SLIT2: variants seen among roughly 807,000 people sequenced by gnomAD.
SLIT2 encodes slit homolog 2 protein.
In SLIT2, 41 loss-of-function variants were observed where a neutral mutation model predicts 185.7. That is an observed-to-expected ratio of 0.22 (90% CI 0.17 to 0.29). The LOEUF is 0.29. SLIT2 is among the 10% of genes least tolerant of loss of function. The pLI is 1.00. For missense variants in SLIT2, 1,571 were observed against 1,909.0 expected, an observed-to-expected ratio of 0.82 and a Z score of 3.30; for synonymous variants, 693 against 680.2, an observed-to-expected ratio of 1.02 and a Z score of -0.29.
At chr4:20,606,742 T>A (rs1485050244) in intron 33 of SLIT2, among the ~76,000 whole-genome samples, 1 of 152,226 alleles carries the variant, frequency 6.6e-6, no homozygotes, top group African/African-American at 2.4e-5. Flanking sequence ...ATAATTTATA[T>A]GCATTCTTCA....
At chr4:20,582,302 C>T (rs1321994024) in intron 29 of SLIT2, among the ~76,000 whole-genome samples, 1 of 152,198 alleles carries the variant, frequency 6.6e-6, no homozygotes, top group African/African-American at 2.4e-5. Flanking sequence ...CTCACCTCTT[C>T]AGAAGAATCT....
chr4:20,360,788 A>AT, intron 4 of SLIT2, among the ~76,000 whole-genome samples: 1 of 152,126 alleles, frequency 6.6e-6, no homozygotes, highest in Non-Finnish European at 1.5e-5. Context: ...GTAAGAGATT[A>AT]TTTTTTAAAA....
chr4:20,308,490 C>G (rs1266191888), intron 4 of SLIT2, among the ~76,000 whole-genome samples: 1 of 152,146 alleles, frequency 6.6e-6, no homozygotes, highest in Non-Finnish European at 1.5e-5. Flanking sequence ...AAAGCATGAG[C>G]TTTGAAGTCA....
intron 4 of SLIT2, among the ~76,000 whole-genome samples, chr4:20,285,339 G>A (rs1715160114): frequency 6.6e-6 from 1 of 152,164 alleles, no homozygotes; most frequent in African/African-American, 2.4e-5. Flanking sequence ...AAAGACCAAA[G>A]CTTGCATCCA....
chr4:20,457,869 C>T (rs1713251979), intron 4 of SLIT2, among the ~76,000 whole-genome samples: 1 of 152,154 alleles, frequency 6.6e-6, no homozygotes. Flanking sequence ...CACTTCATAG[C>T]TTCACAAGGA....
chr4:20,508,658 C>CA (rs543906716), intron 9 of SLIT2, among the ~76,000 whole-genome samples: 2 of 151,626 alleles, frequency 1.3e-5, no homozygotes, highest in East Asian at 1.9e-4. Context: ...AATATGCAAG[C>CA]AAAAAAACAC....
At chr4:20,455,345 G>T (rs545701592) in intron 4 of SLIT2, among the ~76,000 whole-genome samples, 1 of 152,156 alleles carries the variant, frequency 6.6e-6, no homozygotes, top group South Asian at 2.1e-4. Context: ...GAGAAGTGTG[G>T]TATCTAAAAA....
intron 4 of SLIT2, among the ~76,000 whole-genome samples, chr4:20,365,753 G>C (rs991024388): frequency 6.6e-6 from 1 of 152,112 alleles, no homozygotes; most frequent in Non-Finnish European, 1.5e-5. Context: ...CCCTCCACTT[G>C]AAATGCCTTT....
At chr4:20,315,974 C>T (rs1274389786) in intron 4 of SLIT2, among the ~76,000 whole-genome samples, 1 of 151,934 alleles carries the variant, frequency 6.6e-6, no homozygotes, top group East Asian at 1.9e-4. Flanking sequence ...ACTTACTTTG[C>T]AGTTTTATTT....
intron 4 of SLIT2, among the ~76,000 whole-genome samples, chr4:20,291,804 C>A (rs1715971422): frequency 6.6e-6 from 1 of 151,628 alleles, no homozygotes; most frequent in Non-Finnish European, 1.5e-5. Flanking sequence ...TGGTAGTTTC[C>A]AAAAATAATT....
At chr4:20,442,429 C>A (rs556814571) in intron 4 of SLIT2, among the ~76,000 whole-genome samples, 1 of 142,272 alleles carries the variant, frequency 7.0e-6, no homozygotes, top group Non-Finnish European at 1.5e-5. Flanking sequence ...GAAGCTGAGG[C>A]GGGAGAATGG....
chr4:20,501,547 G>A, intron 9 of SLIT2, among the ~76,000 whole-genome samples: 1 of 152,156 alleles, frequency 6.6e-6, no homozygotes, highest in East Asian at 1.9e-4. Flanking sequence ...GCCTCTCAAA[G>A]TGCTGGAATT....
At chr4:20,400,085 C>G (rs9291409) in intron 4 of SLIT2, among the ~76,000 whole-genome samples, 33,588 of 151,592 alleles carry the variant, frequency 0.22, 3,943 homozygotes, top group Non-Finnish European at 0.27. Flanking sequence ...TGTTATTGTT[C>G]TCCTACTATC....
At chr4:20,580,843 C>T (rs1249451140) in intron 29 of SLIT2, among the ~76,000 whole-genome samples, 1 of 151,948 alleles carries the variant, frequency 6.6e-6, no homozygotes, top group East Asian at 1.9e-4. Context: ...CTTTGTGCAC[C>T]GCTTATTACA....
intron 4 of SLIT2, among the ~76,000 whole-genome samples, chr4:20,436,505 C>T (rs1191273247): frequency 1.3e-5 from 2 of 152,132 alleles, no homozygotes; most frequent in African/African-American, 2.4e-5. Flanking sequence ...AACTTATTAC[C>T]CAGAGTGGCT....
chr4:20,439,418 T>C (rs1729581033), intron 4 of SLIT2, among the ~76,000 whole-genome samples: 1 of 152,202 alleles, frequency 6.6e-6, no homozygotes, highest in African/African-American at 2.4e-5. Context: ...TCTTAGCTGC[T>C]GGTGGTTTGC....
At chr4:20,287,582 TAAACTC>T (rs2109071196) in intron 4 of SLIT2, among the ~76,000 whole-genome samples, 1 of 152,370 alleles carries the variant, frequency 6.6e-6, no homozygotes, top group Non-Finnish European at 1.5e-5. Flanking sequence ...CTGTACCTGA[TAAACTC>T]AAATGTGTTT....
intron 4 of SLIT2, among the ~76,000 whole-genome samples, chr4:20,370,346 A>C (rs1723470416): frequency 1.3e-5 from 2 of 152,122 alleles, no homozygotes; most frequent in African/African-American, 4.8e-5. Flanking sequence ...CTGGTCTACT[A>C]ATTCAACTCC....
At chr4:20,382,161 C>A (rs1359432752) in intron 4 of SLIT2, among the ~76,000 whole-genome samples, 1 of 151,736 alleles carries the variant, frequency 6.6e-6, no homozygotes, top group Non-Finnish European at 1.5e-5. Flanking sequence ...AATTTAGGAC[C>A]CATCCATGAT....
Sources: allele counts gnomAD v4.1 joint callset (sites outside exome capture counted in the v4.1 genomes callset), GRCh38; gene constraint gnomAD v4.1.1; transcripts MANE v1.5; gene names NCBI Gene and HGNC (gene_info 2026-07-23, HGNC 2026-07-21).